The following C6orf62 variants were observed in gnomAD, a reference collection of about 807,000 sequenced individuals.
C6orf62 encodes chromosome 6 open reading frame 62.
C6orf62 carries 16 observed loss-of-function variants against 26.8 expected under a neutral mutation model. The ratio of observed to expected loss-of-function variants is 0.60; its 90% CI spans 0.40 to 0.91. The LOEUF is 0.91. Among genes scored for constraint, C6orf62 ranks in the 40% least tolerant of loss-of-function variants. The pLI is 0.00. For synonymous variants in C6orf62, 112 were observed against 91.5 expected (o/e 1.22, Z -1.28); for missense variants, 192 against 271.4 (o/e 0.71, Z 2.06).
At chr6:24,711,074 C>G (rs1779111139) in intron 3 of C6orf62, among the ~76,000 whole-genome samples, 1 of 152,106 alleles carries the variant, frequency 6.6e-6, no homozygotes, top group African/African-American at 2.4e-5. Flanking sequence ...AACTGAAATA[C>G]TATTCAAGTA....
chr6:24,714,440 C>A lies in C6orf62; in HGVS notation c.307G>T (p.Asp103Tyr). ...ATCTCCTGAGTACAGCCAATTACAT[C>A]CTATAAAATGATTAAAAAAAAAAAA... ...HAPRYQSMRR[D>Y]VIGCTQEMDF... Residue 103 changes from aspartate to tyrosine, a missense_variant and splice_region_variant, in exon 3 of 5, where the codon GAT (aspartate) becomes TAT (tyrosine). Transcript: ENST00000378119. 2 of 1,553,282 alleles carry A rather than the reference C, an allele frequency of 1.3e-6. No homozygotes were observed. The highest frequency in any genetic ancestry group is 8.7e-7 in the Non-Finnish European group (1 of 1,155,296).
Position 24,719,103 on chromosome 6 carries a change from T to G in C6orf62, c.-435A>C, listed in dbSNP as rs569588191. The G allele has an allele frequency of 3.8e-5, 38 of 989,722 alleles. No homozygotes were observed. The highest frequency in any genetic ancestry group is 4.2e-5 in the Non-Finnish European group (35 of 833,264). The allele number at this position is 989,722 out of a possible 1,614,324, so 61.3% of individuals were successfully genotyped here. A position where few individuals can be genotyped will look rare whatever the true frequency, so the allele number is the denominator to read the frequency against. On this transcript the variant is annotated 5_prime_UTR_variant, in exon 1 of 5. Transcript: ENST00000378119. ...AAAATCCATCCGGATTTTCCCCCCT[T>G]TTTAGAAAAGGGATTAAGGAACAGG... is the stretch of plus-strand genomic sequence containing the variant.
At chr6:24,709,638 G>C (rs1392052989) in intron 3 of C6orf62, 2 of 985,296 alleles carry the variant, frequency 2.0e-6, no homozygotes, top group East Asian at 2.3e-4. Flanking sequence ...TTTTCCCACA[G>C]TTAGCCTTGG....
At chr6:24,715,804 A>ATGCCAC (rs900202433) in intron 2 of C6orf62, among the ~76,000 whole-genome samples, 8 of 145,302 alleles carry the variant, frequency 5.5e-5, no homozygotes, top group African/African-American at 2.1e-4. Flanking sequence ...AGCCAAGATC[A>ATGCCAC]TGCCACTGCA....
At chr6:24,709,888 T>A (rs1426895407) in intron 3 of C6orf62, 17 of 985,334 alleles carry the variant, frequency 1.7e-5, no homozygotes, top group Non-Finnish European at 2.0e-5. Context: ...TAGTCCATTT[T>A]GGTTCAAACA....
upstream of C6orf62, chr6:24,720,186 C>G (rs1479678356): frequency 9.5e-6 from 13 of 1,363,980 alleles, no homozygotes; most frequent in Non-Finnish European, 1.2e-5. Context: ...GAAATCCCCT[C>G]CCTGTCCCCG....
intron 3 of C6orf62, among the ~76,000 whole-genome samples, chr6:24,712,585 T>C (rs1779142817): frequency 6.7e-6 from 1 of 149,360 alleles, no homozygotes; most frequent in Non-Finnish European, 1.5e-5. Context: ...AGGAGAATCA[T>C]TTGAACCAGG....
chr6:24,719,085 A>T lies in C6orf62; in HGVS notation c.-417T>A, dbSNP rs970638163. On this transcript the variant is annotated 5_prime_UTR_variant, in exon 1 of 5. It removes an upstream start codon present in the reference 5' UTR. Coordinates refer to ENST00000378119, the MANE Select transcript of C6orf62 (RefSeq NM_030939.5). ...GACACCAGACCAATCCCTAAAATCC[A>T]TCCGGATTTTCCCCCCTTTTTAGAA... 1 of 989,330 alleles carries T rather than the reference A, an allele frequency of 1.0e-6. No homozygotes were observed. The highest frequency in any genetic ancestry group is 1.8e-5 in the African/African-American group (1 of 56,642). 61.3% of individuals were successfully genotyped at this position (989,330 alleles called of 1,614,324 possible).
intron 3 of C6orf62, among the ~76,000 whole-genome samples, chr6:24,712,474 T>G (rs1413356098): frequency 6.6e-6 from 1 of 151,690 alleles, no homozygotes; most frequent in Non-Finnish European, 1.5e-5. Flanking sequence ...ATCGAGACCA[T>G]CCCGGCCAAC....
At position 24,715,207 on chromosome 6, in the gene C6orf62, C is replaced by T. The variant is rs190055398; in HGVS notation, c.307-767G>A. Among the ~76,000 whole-genome samples, 21 of 152,304 alleles carry T rather than the reference C, an allele frequency of 1.4e-4. No individual in the cohort carries two copies. In the East Asian group the frequency reaches 3.7e-3, roughly 27 times the overall value. ...ACTTCTGCTTCATTATTGTAGCCAG[C>T]ATATTAATTTTTGAAGGTCCATAAT... is the stretch of plus-strand genomic sequence containing the variant. On this transcript the variant is annotated intron_variant, in intron 2 of 4. Coordinates refer to ENST00000378119, the MANE Select transcript of C6orf62 (RefSeq NM_030939.5).
Position 24,710,111 on chromosome 6 carries a change from A to G in C6orf62, c.430-1200T>C, listed in dbSNP as rs1407002068. 5 of 984,752 alleles carry G rather than the reference A, an allele frequency of 5.1e-6. No homozygotes were observed. In the East Asian group the frequency reaches 5.7e-4, roughly 112 times the overall value. 61.0% of individuals were successfully genotyped at this position (984,752 alleles called of 1,614,324 possible). ...TATTAGTATGATCATAAGCATATCA[A>G]AAGCATGCTATTAGCTACTAAACAA... On this transcript the variant is annotated intron_variant, in intron 3 of 4. Coordinates refer to ENST00000378119, the MANE Select transcript of C6orf62 (RefSeq NM_030939.5).
Position 24,716,221 on chromosome 6 carries a change from A to G in C6orf62, c.233T>C (p.Leu78Ser), listed in dbSNP as rs754153171. The G allele has an allele frequency of 1.2e-6, 2 of 1,613,876 alleles. No homozygotes were observed. The highest frequency in any genetic ancestry group is 1.7e-6 in the Non-Finnish European group (2 of 1,179,752). The change falls in exon 2 of 5, where the codon TTG becomes TCG. Residue 78 changes from leucine to serine, a missense_variant. Coordinates refer to ENST00000378119, the MANE Select transcript of C6orf62 (RefSeq NM_030939.5). Reference protein sequence around the residue: ...LKGVRDSSYSLESSLELLQKD... With the variant: ...LKGVRDSSYSSESSLELLQKD... ...CTGTAAAAGCTCTAGGGAACTTTCC[A>G]AGGAATAGCTGGAATCTCGCACACC...
chr6:24,710,738 C>A, intron 3 of C6orf62: 1 of 644,886 alleles, frequency 1.6e-6, no homozygotes, highest in African/African-American at 2.0e-5. Context: ...GTGGCTCAGA[C>A]CTATAATCCC....
intron 1 of C6orf62, 128 bp downstream of exon 1, chr6:24,718,412 A>T: frequency 1.1e-6 from 1 of 897,318 alleles, no homozygotes; most frequent in East Asian, 2.7e-5. Flanking sequence ...GTGAAAAAAC[A>T]GAGCATACAA....
chr6:24,707,997 A>C (rs1779044685), intron 4 of C6orf62, among the ~76,000 whole-genome samples: 1 of 149,102 alleles, frequency 6.7e-6, no homozygotes. Context: ...GGCGACAGAG[A>C]CTCCCTCTCA....
In C6orf62 at chr6:24,709,306, T is replaced by C. The variant is rs142846861; in HGVS notation, c.430-395A>G. 1.8e-3 allele frequency: 1,780 copies of C among 985,416 alleles called. 2 individuals are homozygous for C. The highest frequency in any genetic ancestry group is 2.0e-3 in the Non-Finnish European group (1,677 of 829,924). The allele number at this position is 985,416 out of a possible 1,614,324, so 61.0% of individuals were successfully genotyped here. On this transcript the variant is annotated intron_variant, in intron 3 of 4. Coordinates refer to ENST00000378119, the MANE Select transcript of C6orf62 (RefSeq NM_030939.5). The stretch of plus-strand genomic sequence containing the variant: ...ATCCTAGTACTCCACGATCATAAAA[T>C]TGTATTTTCAAACCTACTCAGTCCA...
At chr6:24,717,446 A>G (rs991771097) in intron 1 of C6orf62, among the ~76,000 whole-genome samples, 2 of 152,222 alleles carry the variant, frequency 1.3e-5, no homozygotes, top group African/African-American at 4.8e-5. Context: ...ATCACTTCAC[A>G]ATGCTATACT....
Position 24,704,984 on chromosome 6 carries a change from T to G in C6orf62, c.*1153A>C, listed in dbSNP as rs1387617718. 1 of 152,042 alleles carries G rather than the reference T, an allele frequency of 6.6e-6. No homozygotes were observed. Among genetic ancestry groups the G allele is most frequent in the African/African-American group, 2.4e-5 (1 of 41,312 alleles). 9.4% of individuals were successfully genotyped at this position (152,042 alleles called of 1,614,324 possible). Reference sequence around the variant, plus strand: ...AATACAATTGGAAACTGGTAAGCACTAGTTTTACTCCAAAGGAGTAGGATC... The same window carrying G: ...AATACAATTGGAAACTGGTAAGCACGAGTTTTACTCCAAAGGAGTAGGATC... On this transcript the variant is annotated 3_prime_UTR_variant, in exon 5 of 5. Transcript: ENST00000378119.
intron 3 of C6orf62, among the ~76,000 whole-genome samples, chr6:24,713,949 A>C (rs1779175249): frequency 6.6e-6 from 1 of 152,234 alleles, no homozygotes; most frequent in African/African-American, 2.4e-5. Flanking sequence ...CACCCATTTC[A>C]GATCACATTC....
Sources: allele counts gnomAD v4.1 joint callset (sites outside exome capture counted in the v4.1 genomes callset), GRCh38; gene constraint gnomAD v4.1.1; transcripts MANE v1.5; gene names NCBI Gene and HGNC (gene_info 2026-07-23, HGNC 2026-07-21).